The following PLCE1 variants were observed in gnomAD, a reference collection of about 807,000 sequenced individuals.
The protein encoded by PLCE1 is 1-phosphatidylinositol 4,5-bisphosphate phosphodiesterase epsilon-1.
PLCE1 carries 119 observed loss-of-function variants against 242.8 expected under a neutral mutation model. The observed-to-expected ratio is 0.49, with a 90% CI of 0.42 to 0.57. The LOEUF is 0.57. Among genes scored for constraint, PLCE1 ranks in the 20% least tolerant of loss-of-function variants. The pLI is 0.00. For synonymous variants in PLCE1, 945 were observed against 1,017.4 expected, an observed-to-expected ratio of 0.93 and a Z score of 1.35; for missense variants, 2,441 against 2,788.8, an observed-to-expected ratio of 0.88 and a Z score of 2.81.
chr10:94,012,627 C>T (rs905414171), intron 1 of PLCE1, among the ~76,000 whole-genome samples: 6 of 152,164 alleles, frequency 3.9e-5, no homozygotes, highest in African/African-American at 1.4e-4. Flanking sequence ...GCAGCTGCAT[C>T]AGTGCTGACA....
At chr10:94,007,625 C>A (rs1589844895) in intron 1 of PLCE1, among the ~76,000 whole-genome samples, 5 of 109,192 alleles carry the variant, frequency 4.6e-5, no homozygotes, top group Admixed American at 1.1e-4. Flanking sequence ...AGAGTGAATA[C>A]ATTCTTGTTT....
At chr10:94,090,141 C>T (rs2045005097) in intron 2 of PLCE1, among the ~76,000 whole-genome samples, 1 of 151,810 alleles carries the variant, frequency 6.6e-6, no homozygotes, top group Non-Finnish European at 1.5e-5. Flanking sequence ...CTGCTCACCA[C>T]CAACTCATTT....
chr10:94,192,963 A>C (rs912942781), intron 4 of PLCE1, among the ~76,000 whole-genome samples: 9 of 152,214 alleles, frequency 5.9e-5, no homozygotes, highest in African/African-American at 1.9e-4. Context: ...TGAAGCTCAA[A>C]TTTCAGTGTC....
intron 3 of PLCE1, among the ~76,000 whole-genome samples, chr10:94,151,328 G>A (rs1385227983): frequency 6.6e-6 from 1 of 152,202 alleles, no homozygotes; most frequent in Admixed American, 6.5e-5. Flanking sequence ...TTGGGTGGAA[G>A]TCAAGGGAAA....
At chr10:94,160,799 G>C (rs1159297796) in intron 3 of PLCE1, among the ~76,000 whole-genome samples, 1 of 152,282 alleles carries the variant, frequency 6.6e-6, no homozygotes, top group African/African-American at 2.4e-5. Context: ...TGTAAGGAAG[G>C]CATCCAGTTT....
chr10:94,156,893 C>G (rs1483466942), intron 3 of PLCE1, among the ~76,000 whole-genome samples: 1 of 151,882 alleles, frequency 6.6e-6, no homozygotes, highest in African/African-American at 2.4e-5. Flanking sequence ...TTTTAGGAGC[C>G]CTATGTCAGG....
chr10:94,177,818 G>A (rs140068652), intron 4 of PLCE1, among the ~76,000 whole-genome samples: 1 of 152,184 alleles, frequency 6.6e-6, no homozygotes, highest in Non-Finnish European at 1.5e-5. Flanking sequence ...TTACCAAAAA[G>A]ATTACATACT....
In PLCE1 at chr10:94,234,171, G is replaced by C. The variant is rs1328447200; in HGVS notation, c.2073G>C (p.Val691=). 6.2e-7 allele frequency: 1 copy of C among 1,614,196 alleles called. No homozygotes were observed. Among genetic ancestry groups the C allele is most frequent in the South Asian group, 1.1e-5 (1 of 91,072 alleles). Residue 691 remains valine (V), a synonymous_variant, in exon 6 of 33, where the codon GTG becomes GTC. Transcript: ENST00000371380. The part of the protein sequence containing the change: ...HESSCEYRKV[V]TRALHIPGCK... ...CCTCTTGTGAGTACAGAAAGGTGGT[G>C]ACACGTGCCCTGCACATCCCTGGCT...
intron 22 of PLCE1, among the ~76,000 whole-genome samples, chr10:94,289,439 G>A (rs2052571759): frequency 6.6e-6 from 1 of 152,114 alleles, no homozygotes; most frequent in African/African-American, 2.4e-5. Flanking sequence ...ACTTAATCAG[G>A]GAGAGACATT....
chr10:94,200,135 C>CATAT (rs1333871602), intron 4 of PLCE1, among the ~76,000 whole-genome samples: 2 of 152,124 alleles, frequency 1.3e-5, no homozygotes, highest in African/African-American at 4.8e-5. Flanking sequence ...GTATAACATA[C>CATAT]ATATATTCCC....
intron 22 of PLCE1, among the ~76,000 whole-genome samples, chr10:94,286,593 C>A (rs1008712651): frequency 2.6e-5 from 4 of 151,998 alleles, no homozygotes; most frequent in Non-Finnish European, 5.9e-5. Flanking sequence ...ATATTAAAAT[C>A]ATTTTAATTG....
chr10:94,301,761 C>T (rs2053046630), intron 24 of PLCE1, among the ~76,000 whole-genome samples: 1 of 152,190 alleles, frequency 6.6e-6, no homozygotes, highest in South Asian at 2.1e-4. Context: ...CTGGTTATTG[C>T]TGGCAACAGA....
intron 2 of PLCE1, among the ~76,000 whole-genome samples, chr10:94,033,590 C>T (rs1325283835): frequency 6.6e-6 from 1 of 151,406 alleles, no homozygotes; most frequent in Admixed American, 6.6e-5. Flanking sequence ...CTTTTTTTTC[C>T]TCAACCAGAT....
intron 3 of PLCE1, chr10:94,138,585 A>G: frequency 2.2e-6 from 1 of 449,264 alleles, no homozygotes; most frequent in South Asian, 1.8e-5. Context: ...CTTCAATCTG[A>G]ACATCAAAGG....
In PLCE1 at chr10:94,132,346, C is replaced by A; in HGVS notation, c.1379C>A (p.Thr460Asn). The A allele has an allele frequency of 6.2e-7, 1 of 1,614,084 alleles. No individual in the cohort carries two copies. The highest frequency in any genetic ancestry group is 8.5e-7 in the Non-Finnish European group (1 of 1,180,010). Residue 460 changes from threonine (T) to asparagine (N), a missense_variant, in exon 3 of 33, where the codon ACT (threonine) becomes AAT (asparagine). Transcript: ENST00000371380. ...GAGTATCGCGCCACCCTCCAAAGGA[C>A]TTCAATATCGCAGTACATCACCGGT... The part of the protein sequence containing the change: ...VCEYRATLQR[T>N]SISQYITGSL...
intron 2 of PLCE1, among the ~76,000 whole-genome samples, chr10:94,126,384 T>C (rs571796831): frequency 6.6e-6 from 1 of 152,360 alleles, no homozygotes; most frequent in South Asian, 2.1e-4. Context: ...CAGCAAGTCC[T>C]GTAGAAATAT....
In PLCE1 at chr10:94,089,171, G is replaced by T. The variant is rs1356240166; in HGVS notation, c.1207-43003G>T. ...GTGAGGCAGCTCCACGTGAGATTCT[G>T]CAAAGGGATTAAGATTTGGCACCAG... On this transcript the variant is annotated intron_variant, in intron 2 of 32. Transcript: ENST00000371380. 4 of 1,613,900 alleles carry T rather than the reference G, an allele frequency of 2.5e-6. No homozygotes were observed. The African/African-American group carries it at 5.3e-5, about 22-fold the overall frequency.
At chr10:94,047,126 T>G (rs1324447632) in intron 2 of PLCE1, among the ~76,000 whole-genome samples, 2 of 152,222 alleles carry the variant, frequency 1.3e-5, no homozygotes, top group Admixed American at 6.5e-5. Flanking sequence ...TGGACCAACC[T>G]TCTTTGATTC....
chr10:94,031,084 C>T lies in PLCE1; in HGVS notation c.38C>T (p.Pro13Leu), dbSNP rs770415486. The part of the protein sequence containing the change: ...SEEMTASVLI[P>L]VTQRKVVSAQ... Reference sequence around the variant, plus strand: ...GAAATGACAGCTTCTGTTCTCATACCTGTGACTCAGAGAAAAGTGGTTTCT... The same window carrying T: ...GAAATGACAGCTTCTGTTCTCATACTTGTGACTCAGAGAAAAGTGGTTTCT... The change falls in exon 2 of 33, where the codon CCT (proline) becomes CTT (leucine). Residue 13 changes from proline to leucine, a missense_variant. By Grantham distance (98) the Pro-to-Leu change is moderately conservative. Transcript: ENST00000371380. 6 of 1,613,480 alleles carry T rather than the reference C, an allele frequency of 3.7e-6. No homozygotes were observed. The highest frequency in any genetic ancestry group is 3.3e-5 in the Admixed American group (2 of 59,956).
Sources: allele counts gnomAD v4.1 joint callset (sites outside exome capture counted in the v4.1 genomes callset), GRCh38; gene constraint gnomAD v4.1.1; transcripts MANE v1.5; gene names NCBI Gene and HGNC (gene_info 2026-07-23, HGNC 2026-07-21).